APBB1IP: variants seen among roughly 807,000 people sequenced by gnomAD.
APBB1IP encodes the protein amyloid beta A4 precursor protein-binding family B member 1-interacting protein.
In APBB1IP, 27 loss-of-function variants were observed where a neutral mutation model predicts 64.9. The observed-to-expected ratio is 0.42, with a 90% CI of 0.31 to 0.57. The LOEUF is 0.57. APBB1IP is among the 20% of genes least tolerant of loss of function. The probability of loss-of-function intolerance (pLI) is 0.20; values close to 1 mark genes in which losing one functional copy is unlikely to be tolerated. For missense variants in APBB1IP, 812 were observed against 845.5 expected, an observed-to-expected ratio of 0.96 and a Z score of 0.49; for synonymous variants, 392 against 331.0, an observed-to-expected ratio of 1.18 and a Z score of -2.00.
intron 11 of APBB1IP, among the ~76,000 whole-genome samples, chr10:26,549,587 T>A (rs1274076240): frequency 6.6e-6 from 1 of 152,058 alleles, no homozygotes; most frequent in Non-Finnish European, 1.5e-5. Context: ...TCCTAGGTTT[T>A]CCATTTTGCT....
chr10:26,500,911 G>T lies in APBB1IP; in HGVS notation c.253G>T (p.Ala85Ser). 1.2e-6 allele frequency: 2 copies of T among 1,614,162 alleles called. No individual in the cohort carries two copies. The highest frequency in any genetic ancestry group is 1.7e-6 in the Non-Finnish European group (2 of 1,180,026). Residue 85 changes from alanine (A) to serine (S), a missense_variant, in exon 5 of 15, where the codon GCA becomes TCA. Ala to Ser is a moderately conservative substitution (Grantham distance 99). Transcript: ENST00000376236. Reference sequence around the variant, plus strand: ...TGAGGCTGAGCAGAGGACAATCCAGGCACAGAAAGAGTCCTTGCAGAATCA... The same window carrying T: ...TGAGGCTGAGCAGAGGACAATCCAGTCACAGAAAGAGTCCTTGCAGAATCA... ...ISEAEQRTIQ[A>S]QKESLQNQHH...
chr10:26,551,053 G>A (rs1836824234), intron 11 of APBB1IP, among the ~76,000 whole-genome samples: 1 of 152,198 alleles, frequency 6.6e-6, no homozygotes, highest in African/African-American at 2.4e-5. Context: ...GGGAAAGCCG[G>A]TCAGGCTCTC....
At chr10:26,439,168 G>C (rs1284239974) in intron 2 of APBB1IP, among the ~76,000 whole-genome samples, 1 of 152,144 alleles carries the variant, frequency 6.6e-6, no homozygotes, top group East Asian at 1.9e-4. Flanking sequence ...GGTCAAACGG[G>C]GAACTGCTAT....
At chr10:26,536,283 C>CCTTAGT in intron 10 of APBB1IP, 66 bp downstream of exon 10, 1 of 1,485,566 alleles carries the variant, frequency 6.7e-7, no homozygotes, top group Non-Finnish European at 8.9e-7. Context: ...CTAAAGAAAT[C>CCTTAGT]CTTAGTTGGC....
chr10:26,550,661 T>C (rs1836819167), intron 11 of APBB1IP, among the ~76,000 whole-genome samples: 1 of 152,200 alleles, frequency 6.6e-6, no homozygotes, highest in Non-Finnish European at 1.5e-5. Context: ...TGCTTCTCTG[T>C]GTTTTCTTGA....
intron 2 of APBB1IP, among the ~76,000 whole-genome samples, chr10:26,450,718 C>T (rs1165869874): frequency 7.4e-6 from 1 of 135,564 alleles, no homozygotes; most frequent in Non-Finnish European, 1.5e-5. Flanking sequence ...ACACTGAGTA[C>T]TGAGTCTCAC....
chr10:26,443,850 A>G (rs1835363411), intron 2 of APBB1IP, among the ~76,000 whole-genome samples: 1 of 152,144 alleles, frequency 6.6e-6, no homozygotes, highest in Admixed American at 6.6e-5. Flanking sequence ...TCTCCAGTTT[A>G]AATACAATTC....
chr10:26,466,417 C>T (rs547975513), intron 2 of APBB1IP, among the ~76,000 whole-genome samples: 2 of 152,170 alleles, frequency 1.3e-5, no homozygotes, highest in Non-Finnish European at 2.9e-5. Context: ...CCATCATTAT[C>T]ATTACACTGT....
At chr10:26,484,110 T>C (rs763808575) in intron 2 of APBB1IP, among the ~76,000 whole-genome samples, 3 of 152,140 alleles carry the variant, frequency 2.0e-5, no homozygotes, top group Non-Finnish European at 2.9e-5. Flanking sequence ...CTATAAGAAA[T>C]ATAAGAAAGC....
intron 12 of APBB1IP, among the ~76,000 whole-genome samples, 158 bp from the exon 13 acceptor site, chr10:26,560,572 G>A (rs1836954956): frequency 6.6e-6 from 1 of 152,190 alleles, no homozygotes; most frequent in African/African-American, 2.4e-5. Context: ...ATGTGTATTT[G>A]TTAAATTTTA....
chr10:26,513,579 A>G lies in APBB1IP; in HGVS notation c.732A>G (p.Leu244=). 6.2e-7 allele frequency: 1 copy of G among 1,613,054 alleles called. No homozygotes were observed. The highest frequency in any genetic ancestry group is 8.5e-7 in the Non-Finnish European group (1 of 1,179,794). ...ACCATGAAAATGTTGTTGAAGTCTT[A>G]TCAGACTGGACAAGAGACACAGAAA... ...FEDHENVVEV[L]SDWTRDTENK... is the part of the protein sequence containing the mutation. Residue 244 remains leucine, a synonymous_variant, in exon 8 of 15, where the codon TTA becomes TTG. Coordinates refer to ENST00000376236, the MANE Select transcript of APBB1IP (RefSeq NM_019043.4).
Position 26,567,412 on chromosome 10 carries a change from G to A in APBB1IP, c.1925G>A (p.Gly642Glu), listed in dbSNP as rs751327796. 3 of 1,604,622 alleles carry A rather than the reference G, an allele frequency of 1.9e-6. No individual in the cohort carries two copies. The highest frequency in any genetic ancestry group is 2.6e-6 in the Non-Finnish European group (3 of 1,174,032). ...CAAGAGAACCCAGGGCACCCCGGCG[G>A]AGCAGGAGGCGGGGAGCAAGATTTC... The part of the protein sequence containing the change: ...KRQENPGHPG[G>E]AGGGEQDFMS... The change falls in exon 15 of 15, where the codon GGA becomes GAA. Residue 642 changes from glycine to glutamate, a missense_variant. By Grantham distance (98) the Gly-to-Glu change is moderately conservative. Transcript: ENST00000376236.
intron 2 of APBB1IP, among the ~76,000 whole-genome samples, chr10:26,485,217 C>A (rs555804989): frequency 6.6e-6 from 1 of 152,116 alleles, no homozygotes; most frequent in Non-Finnish European, 1.5e-5. Context: ...AAACCTGTAC[C>A]TATAGCAGCA....
chr10:26,461,862 AT>A (rs1465824313), intron 2 of APBB1IP, among the ~76,000 whole-genome samples: 1 of 151,796 alleles, frequency 6.6e-6, no homozygotes, highest in African/African-American at 2.4e-5. Flanking sequence ...TTGCCATGTC[AT>A]TTTCTAATAT....
intron 8 of APBB1IP, 101 bp from the exon 9 acceptor site, chr10:26,533,338 C>A: frequency 1.6e-6 from 1 of 626,250 alleles, no homozygotes; most frequent in Non-Finnish European, 2.6e-6. Context: ...CTGTTTGTTT[C>A]ACACACTTAA....
chr10:26,508,385 A>T (rs1464754309), intron 6 of APBB1IP, among the ~76,000 whole-genome samples: 1 of 150,488 alleles, frequency 6.6e-6, no homozygotes, highest in Non-Finnish European at 1.5e-5. Context: ...TATAAATTTT[A>T]GTATAGAAGC....
Position 26,511,717 on chromosome 10 carries a change from T to G in APBB1IP, c.532-30T>G, listed in dbSNP as rs748385538. 6 of 1,606,678 alleles carry G rather than the reference T, an allele frequency of 3.7e-6. No homozygotes were observed. The African/African-American group carries it at 8.0e-5, about 21-fold the overall frequency. ...AGTAGCCTTCTCCAGTTGCTGAAATTTACTGGCTGCCCCATGGTTCTATCC... is the reference window on the plus strand; with the variant it reads ...AGTAGCCTTCTCCAGTTGCTGAAATGTACTGGCTGCCCCATGGTTCTATCC... On this transcript the variant is annotated intron_variant, in intron 6 of 14. Coordinates refer to ENST00000376236, the MANE Select transcript of APBB1IP (RefSeq NM_019043.4).
At chr10:26,520,296 A>G (rs1424700734) in intron 8 of APBB1IP, among the ~76,000 whole-genome samples, 1 of 152,038 alleles carries the variant, frequency 6.6e-6, no homozygotes, top group African/African-American at 2.4e-5. Flanking sequence ...AAATAGACTT[A>G]TTTTCCTTAT....
At chr10:26,560,891 TC>T (rs138637924) in intron 13 of APBB1IP, 47 bp downstream of exon 13, 37,251 of 1,448,548 alleles carry the variant, frequency 0.026, 566 homozygotes, top group Non-Finnish European at 0.03. Context: ...AGCTTGGTGC[TC>T]CAGTTCAAAA....
Sources: allele counts gnomAD v4.1 joint callset (sites outside exome capture counted in the v4.1 genomes callset), GRCh38; gene constraint gnomAD v4.1.1; transcripts MANE v1.5; gene names NCBI Gene and HGNC (gene_info 2026-07-23, HGNC 2026-07-21).